Variants in CEP63 observed in about 807,000 individuals in gnomAD.
The protein encoded by CEP63 is centrosomal protein 63.
CEP63 carries 84 observed loss-of-function variants against 89.1 expected under a neutral mutation model. That is an observed-to-expected ratio of 0.94 (90% CI 0.79 to 1.13). The LOEUF is 1.13. CEP63 is among the 50% of genes most tolerant of loss of function. The pLI is 0.00. For synonymous variants in CEP63, 267 were observed against 272.5 expected (o/e 0.98, Z 0.20); for missense variants, 838 against 813.3 (o/e 1.03, Z -0.37).
the CEP63 span, among the ~76,000 whole-genome samples, chr3:134,717,722 G>C: frequency 6.6e-6 from 1 of 152,158 alleles, no homozygotes; most frequent in East Asian, 1.9e-4. Context: ...TATGACAAAA[G>C]GCATTTTTGA....
chr3:134,765,454 C>T, the CEP63 span, among the ~76,000 whole-genome samples: 20 of 152,116 alleles, frequency 1.3e-4, no homozygotes, highest in African/African-American at 4.8e-4. Flanking sequence ...AGGGCAGGGG[C>T]CCCAACACAT....
chr3:134,647,586 A>G, the CEP63 span: 6,878 of 744,566 alleles, frequency 9.2e-3, 60 homozygotes, highest in Non-Finnish European at 0.01. Flanking sequence ...ATGGTAGAGC[A>G]GGTGGATCTT....
chr3:134,670,920 AT>A, the CEP63 span, among the ~76,000 whole-genome samples: 5 of 152,250 alleles, frequency 3.3e-5, no homozygotes, highest in African/African-American at 1.2e-4. Context: ...AGTTAGAAGG[AT>A]ATTATAGTAT....
At chr3:134,594,771 A>G in the CEP63 span, among the ~76,000 whole-genome samples, 1 of 152,244 alleles carries the variant, frequency 6.6e-6, no homozygotes, top group Non-Finnish European at 1.5e-5. Context: ...TGACAAGGCA[A>G]TGTTCACTTC....
At chr3:134,554,433 A>C (rs1363184068) in intron 12 of CEP63, among the ~76,000 whole-genome samples, 2 of 145,816 alleles carry the variant, frequency 1.4e-5, no homozygotes, top group Non-Finnish European at 3.0e-5. Flanking sequence ...TTATGGCTGC[A>C]TAGTATTCCA....
chr3:134,739,654 C>T, the CEP63 span, among the ~76,000 whole-genome samples: 1 of 150,848 alleles, frequency 6.6e-6, no homozygotes, highest in South Asian at 2.1e-4. Flanking sequence ...TATTTATGTA[C>T]AATATGATAC....
the CEP63 span, among the ~76,000 whole-genome samples, chr3:134,634,237 T>C: frequency 1.1e-4 from 17 of 152,244 alleles, no homozygotes; most frequent in Middle Eastern, 3.4e-3. Flanking sequence ...TTTGGGGGAA[T>C]TGTGCAAATA....
At chr3:134,501,670 A>C (rs1180340900) in intron 2 of CEP63, among the ~76,000 whole-genome samples, 1 of 152,068 alleles carries the variant, frequency 6.6e-6, no homozygotes, top group Non-Finnish European at 1.5e-5. Flanking sequence ...ATTTTTGTAC[A>C]TTGATTTTGT....
chr3:134,781,898 C>T, the CEP63 span, among the ~76,000 whole-genome samples: 6 of 152,116 alleles, frequency 3.9e-5, no homozygotes, highest in East Asian at 1.2e-3. Flanking sequence ...TTATGTCTTA[C>T]AGCGCTAGCT....
chr3:134,658,696 CGAA>C, the CEP63 span, among the ~76,000 whole-genome samples: 3 of 152,276 alleles, frequency 2.0e-5, no homozygotes, highest in South Asian at 4.1e-4. Flanking sequence ...CTACAGGGAA[CGAA>C]GAAGAAGGTT....
chr3:134,560,500 G>A (rs1957149892), intron 14 of CEP63, among the ~76,000 whole-genome samples: 1 of 152,204 alleles, frequency 6.6e-6, no homozygotes, highest in African/African-American at 2.4e-5. Flanking sequence ...CCCTGCTTAT[G>A]CGGAGGTGAC....
chr3:134,652,523 T>G, the CEP63 span, among the ~76,000 whole-genome samples: 11 of 150,898 alleles, frequency 7.3e-5, no homozygotes, highest in Non-Finnish European at 1.5e-4. Flanking sequence ...CCAGTAATGT[T>G]GAACTGGAGT....
chr3:134,557,509 T>A (rs920191487), intron 12 of CEP63, among the ~76,000 whole-genome samples: 2 of 149,682 alleles, frequency 1.3e-5, no homozygotes. Flanking sequence ...TCACCCAGAC[T>A]ACCATTTTTT....
chr3:134,618,184 T>C, the CEP63 span, among the ~76,000 whole-genome samples: 2 of 151,796 alleles, frequency 1.3e-5, no homozygotes, highest in Non-Finnish European at 2.9e-5. Context: ...GCAGTGGTGA[T>C]GGGGGCAGGA....
chr3:134,682,846 T>C, the CEP63 span, among the ~76,000 whole-genome samples: 1 of 152,200 alleles, frequency 6.6e-6, no homozygotes, highest in Non-Finnish European at 1.5e-5. Context: ...GTGATGCACC[T>C]ATCATGCTCA....
At chr3:134,664,027 C>T in the CEP63 span, among the ~76,000 whole-genome samples, 28 of 152,098 alleles carry the variant, frequency 1.8e-4, no homozygotes, top group Non-Finnish European at 3.1e-4. Flanking sequence ...CAGGGGTGGG[C>T]GGACTGTGGG....
the CEP63 span, among the ~76,000 whole-genome samples, chr3:134,752,742 G>T: frequency 6.6e-6 from 1 of 152,134 alleles, no homozygotes; most frequent in Non-Finnish European, 1.5e-5. Flanking sequence ...CACCTTATCC[G>T]GGGAGAAAAT....
the CEP63 span, among the ~76,000 whole-genome samples, chr3:134,741,511 G>A: frequency 6.6e-6 from 1 of 152,138 alleles, no homozygotes; most frequent in East Asian, 1.9e-4. Flanking sequence ...AGCCCCTGTG[G>A]ATGCTTGAGT....
the CEP63 span, among the ~76,000 whole-genome samples, chr3:134,702,788 A>T: frequency 6.6e-6 from 1 of 152,204 alleles, no homozygotes; most frequent in Non-Finnish European, 1.5e-5. Context: ...CACCAGTCAG[A>T]ATGGCCATTA....
Sources: gnomAD v4.1 joint callset for allele counts (sites outside exome capture counted in the v4.1 genomes callset) on GRCh38, gnomAD v4.1.1 for gene constraint, MANE v1.5 for transcripts, NCBI Gene and HGNC (gene_info 2026-07-23, HGNC 2026-07-21) for gene names.